Variants in CIAO3 observed in about 807,000 individuals in gnomAD.
The protein encoded by CIAO3 is LET1 like/JFP15.
In CIAO3, 45 loss-of-function variants were observed where a neutral mutation model predicts 51.5. The observed-to-expected ratio is 0.87, with a 90% CI of 0.69 to 1.12. CIAO3 has a LOEUF of 1.12. Among genes scored for constraint, CIAO3 ranks in the 50% most tolerant of loss-of-function variants. The pLI is 0.00. For missense variants in CIAO3, 668 were observed against 632.5 expected, an observed-to-expected ratio of 1.06 and a Z score of -0.60; for synonymous variants, 314 against 269.3, an observed-to-expected ratio of 1.17 and a Z score of -1.63.
chr16:740,834 G>A lies in CIAO3; in HGVS notation c.66+86C>T, dbSNP rs1275186770. ...CCGGGATTCGGATCTCATTCCTCAG[G>A]GGAGGAAGTGGGGCGCAGAGCAATT... On this transcript the variant is annotated intron_variant, in intron 1 of 10. Transcript: ENST00000251588. The A allele has an allele frequency of 9.9e-6, 13 of 1,309,010 alleles. No individual in the cohort carries two copies. In the South Asian group the frequency reaches 1.1e-4, roughly 12 times the overall value. 81.1% of individuals were successfully genotyped at this position (1,309,010 alleles called of 1,614,324 possible). A position where few individuals can be genotyped will look rare whatever the true frequency, so the allele number is the denominator to read the frequency against.
At chr16:732,869 C>G (rs1429348174) in intron 7 of CIAO3, 2 of 316,540 alleles carry the variant, frequency 6.3e-6, no homozygotes, top group Non-Finnish European at 1.2e-5. Flanking sequence ...AACTCCTGAC[C>G]TCGTGATCCA....
chr16:739,903 C>T (rs2041374709), intron 1 of CIAO3, 165 bp from the exon 2 acceptor site: 1 of 1,241,728 alleles, frequency 8.1e-7, no homozygotes, highest in Admixed American at 2.0e-5. Flanking sequence ...TGCCCCACTG[C>T]TCTCACCCAG....
Position 737,066 on chromosome 16 carries a change from G to C in CIAO3, c.306+120C>G, listed in dbSNP as rs1037516932. 7.6e-7 allele frequency: 1 copy of C among 1,315,476 alleles called. No individual in the cohort carries two copies. Among genetic ancestry groups the C allele is most frequent in the African/African-American group, 1.5e-5 (1 of 68,918 alleles). The allele number at this position is 1,315,476 out of a possible 1,614,324, so 81.5% of individuals were successfully genotyped here. A position where few individuals can be genotyped will look rare whatever the true frequency, so the allele number is the denominator to read the frequency against. On this transcript the variant is annotated intron_variant, in intron 3 of 10. Transcript: ENST00000251588. The surrounding 1 kb of genome is among the most constrained non-coding windows in gnomAD (Gnocchi z 5.3). ...CACCAAGATTCCAAGCCTCAAAAAG[G>C]CAGGCGCCACCCGCACGACGGACGT... is the stretch of plus-strand genomic sequence containing the variant.
Position 731,640 on chromosome 16 carries a change from A to G in CIAO3, c.959T>C (p.Leu320Pro). The G allele has an allele frequency of 6.4e-7, 1 of 1,559,270 alleles. No individual in the cohort carries two copies. The highest frequency in any genetic ancestry group is 8.7e-7 in the Non-Finnish European group (1 of 1,152,196). The change falls in exon 9 of 11, where the codon CTG (leucine) becomes CCG (proline). Residue 320 changes from leucine to proline, a missense_variant. Coordinates refer to ENST00000251588, the MANE Select transcript of CIAO3 (RefSeq NM_022493.3). ...SHRGGGSGGY[L>P]EHVFRHAARE... is the part of the protein sequence containing the mutation. ...GGCCGCGTGCCGGAACACGTGCTCC[A>G]GGTAGCCCCCCGAGCCCCCTCCCCG... is the stretch of plus-strand genomic sequence containing the variant.
At chr16:733,267 G>A in intron 7 of CIAO3, 31 bp downstream of exon 7, 1 of 1,610,450 alleles carries the variant, frequency 6.2e-7, no homozygotes. Context: ...CAGGAGGCTT[G>A]AGGGCTCAGG....
In CIAO3 at chr16:731,595, T is replaced by A; in HGVS notation, c.1004A>T (p.His335Leu). Residue 335 changes from histidine (H) to leucine (L), a missense_variant, in exon 9 of 11, where the codon CAT becomes CTT. Physicochemically the swap from His to Leu is moderately conservative, Grantham distance 99. Transcript: ENST00000251588. ...GGGTTTGTAGGTAACCTCAGCCACA[T>A]GGATTCCAAAGAGCTCTCGGGCCGC... is the stretch of plus-strand genomic sequence containing the variant. Reference protein sequence around the residue: ...RHAARELFGIHVAEVTYKPLR... With the variant: ...RHAARELFGILVAEVTYKPLR... 1 of 1,567,750 alleles carries A rather than the reference T, an allele frequency of 6.4e-7. No individual in the cohort carries two copies. Among genetic ancestry groups the A allele is most frequent in the Non-Finnish European group, 8.6e-7 (1 of 1,156,810 alleles).
intron 2 of CIAO3, chr16:738,185 G>A (rs774825181): frequency 2.0e-6 from 2 of 997,106 alleles, no homozygotes; most frequent in Non-Finnish European, 1.2e-6. Context: ...CCACTGCACC[G>A]ACAGCCACGC....
At chr16:733,503 T>C in intron 6 of CIAO3, 76 bp from the exon 7 acceptor site, 1 of 1,600,418 alleles carries the variant, frequency 6.2e-7, no homozygotes, top group Non-Finnish European at 8.5e-7. Flanking sequence ...AACTCAGCCA[T>C]CCTGCAGCCA....
intron 4 of CIAO3, 92 bp from the exon 5 acceptor site, chr16:734,963 C>T (rs2041323657): frequency 7.0e-7 from 1 of 1,435,606 alleles, no homozygotes; most frequent in Non-Finnish European, 9.1e-7. Flanking sequence ...GCTGCCAGGG[C>T]ACGTGTGTCG....
At chr16:739,879 C>T in intron 1 of CIAO3, 141 bp from the exon 2 acceptor site, 1 of 1,209,984 alleles carries the variant, frequency 8.3e-7, no homozygotes. Context: ...AGGCTGGTCC[C>T]ACCGTCTTCT....
rs763232047 is a variant in CIAO3 at position 730,943 on chromosome 16, G to A, written c.1092C>T (p.Phe364=). ...TGTTGCGGAAGCCGTACGCCATTGC[G>A]AAGTGCAGCAGCACCTGGCCCTCCT... is the stretch of plus-strand genomic sequence containing the variant. ...LEKEGQVLLH[F]AMAYGFRNIQ... is the part of the protein sequence containing the mutation. The change falls in exon 10 of 11, where the codon TTC becomes TTT. Residue 364 remains phenylalanine (F), a synonymous_variant. Transcript: ENST00000251588. 31 of 1,612,864 alleles carry A rather than the reference G, an allele frequency of 1.9e-5. No individual in the cohort carries two copies. Among genetic ancestry groups the A allele is most frequent in the Non-Finnish European group, 2.3e-5 (27 of 1,180,012 alleles).
rs968227487 is a variant in CIAO3 at position 729,774 on chromosome 16, AG to A, written c.*642del. 7.7e-7 allele frequency: 1 copy of A among 1,300,148 alleles called. No individual in the cohort carries two copies. Among genetic ancestry groups the A allele is most frequent in the Non-Finnish European group, 1.0e-6 (1 of 996,178 alleles). 80.5% of individuals were successfully genotyped at this position (1,300,148 alleles called of 1,614,324 possible). ...GCTGTTTTCGTAGGCGTGTTTTAGGAGGGGTGCGTTTATTAGACAAACGCTG... is the reference window on the plus strand; with the variant it reads ...GCTGTTTTCGTAGGCGTGTTTTAGGAGGGTGCGTTTATTAGACAAACGCTG... On this transcript the variant is annotated 3_prime_UTR_variant, in exon 11 of 11. Transcript: ENST00000251588.
chr16:737,053 A>G lies in CIAO3; in HGVS notation c.306+133T>C. 1 of 1,145,392 alleles carries G rather than the reference A, an allele frequency of 8.7e-7. No individual in the cohort carries two copies. The highest frequency in any genetic ancestry group is 1.3e-6 in the Non-Finnish European group (1 of 789,668). The allele number at this position is 1,145,392 out of a possible 1,614,324, so 71.0% of individuals were successfully genotyped here. ...CCCACTGACAAATCACCAAGATTCC[A>G]AGCCTCAAAAAGGCAGGCGCCACCC... On this transcript the variant is annotated intron_variant, in intron 3 of 10. Coordinates refer to ENST00000251588, the MANE Select transcript of CIAO3 (RefSeq NM_022493.3). This position sits in a 1 kb window ranked among gnomAD's most constrained non-coding sequence, Gnocchi z 5.3.
In CIAO3 at chr16:730,564, C is replaced by A. The variant is rs772028390; in HGVS notation, c.1284G>T (p.Arg428=). The change falls in exon 11 of 11, where the codon CGG becomes CGT. Residue 428 remains arginine (R), a synonymous_variant. Coordinates refer to ENST00000251588, the MANE Select transcript of CIAO3 (RefSeq NM_022493.3). Reference sequence around the variant, plus strand: ...CAGGCGCGTCCTCGGGCGCCTCAGCCCGGACCATGCCGTACAGTCTCTCCA... The same window carrying A: ...CAGGCGCGTCCTCGGGCGCCTCAGCACGGACCATGCCGTACAGTCTCTCCA... ...QHVERLYGMV[R]AEAPEDAPGV... The A allele has an allele frequency of 1.8e-5, 29 of 1,610,978 alleles. No individual in the cohort carries two copies. The highest frequency in any genetic ancestry group is 2.4e-5 in the Non-Finnish European group (28 of 1,179,990).
chr16:738,961 A>G (rs1367828397), intron 2 of CIAO3, among the ~76,000 whole-genome samples: 1 of 148,392 alleles, frequency 6.7e-6, no homozygotes, highest in African/African-American at 2.5e-5. Context: ...TAACAGTTTC[A>G]TCAGGATCTT....
intron 3 of CIAO3, 139 bp from the exon 4 acceptor site, chr16:736,537 CAG>C (rs2041340483): frequency 1.9e-6 from 2 of 1,045,522 alleles, no homozygotes; most frequent in Non-Finnish European, 2.7e-6. Flanking sequence ...TTTTTTAACA[CAG>C]AGTCTCACTC....
In CIAO3 at chr16:732,384, G is replaced by A; in HGVS notation, c.824-11C>T. 1 of 1,612,670 alleles carries A rather than the reference G, an allele frequency of 6.2e-7. No homozygotes were observed. The highest frequency in any genetic ancestry group is 8.5e-7 in the Non-Finnish European group (1 of 1,179,786). Reference sequence around the variant, plus strand: ...ACCTGAAAACTTCTCCTGCAAAGAAGCCACAGCGCAGACACTCTTTAGCGG... The same window carrying A: ...ACCTGAAAACTTCTCCTGCAAAGAAACCACAGCGCAGACACTCTTTAGCGG... On this transcript the variant is annotated splice_polypyrimidine_tract_variant and intron_variant, in intron 7 of 10. Coordinates refer to ENST00000251588, the MANE Select transcript of CIAO3 (RefSeq NM_022493.3).
At position 731,575 on chromosome 16, in the gene CIAO3, T is replaced by C; in HGVS notation, c.1024A>G (p.Lys342Glu). ...FGIHVAEVTY[K>E]PLRNKDFQEV... ...GCCCATCCCACTGACCTCAGGGGTT[T>C]GTAGGTAACCTCAGCCACATGGATT... The change falls in exon 9 of 11, where the codon AAA (lysine) becomes GAA (glutamate). Residue 342 changes from lysine to glutamate, a missense_variant. Transcript: ENST00000251588. The C allele has an allele frequency of 2.6e-6, 4 of 1,566,874 alleles. No individual in the cohort carries two copies. Among genetic ancestry groups the C allele is most frequent in the Non-Finnish European group, 2.6e-6 (3 of 1,156,394 alleles).
In CIAO3 at chr16:737,210, C is replaced by T. The variant is rs368436484; in HGVS notation, c.282G>A (p.Leu94=). 1.9e-6 allele frequency: 3 copies of T among 1,613,640 alleles called. No homozygotes were observed. Among genetic ancestry groups the T allele is most frequent in the African/African-American group, 1.3e-5 (1 of 74,938 alleles). The stretch of plus-strand genomic sequence containing the variant: ...CCTTGTTAGCATCTAGAACCTTCTT[C>T]AGCTCCTCGTGGCTCTGCTGGGTGA... The part of the protein sequence containing the change: ...VLITQQSHEE[L]KKVLDANKMA... Residue 94 remains leucine (L), a synonymous_variant, in exon 3 of 11, where the codon CTG becomes CTA. Coordinates refer to ENST00000251588, the MANE Select transcript of CIAO3 (RefSeq NM_022493.3). This position sits in a 1 kb window ranked among gnomAD's most constrained non-coding sequence, Gnocchi z 5.3.
Sources: gnomAD v4.1 joint callset for allele counts (sites outside exome capture counted in the v4.1 genomes callset) on GRCh38, gnomAD v4.1.1 for gene constraint, Gnocchi (gnomAD v3.1) non-coding constraint, MANE v1.5 for transcripts, NCBI Gene and HGNC (gene_info 2026-07-23, HGNC 2026-07-21) for gene names.